DPP10: variants seen among roughly 807,000 people sequenced by gnomAD.
The protein encoded by DPP10 is inactive dipeptidyl peptidase 10.
Under a neutral mutation model 120.9 loss-of-function variants are expected in DPP10, and 33 were observed. The ratio of observed to expected loss-of-function variants is 0.27; its 90% CI spans 0.21 to 0.37. DPP10 has a LOEUF of 0.37. DPP10 is among the 10% of genes least tolerant of loss of function. The pLI, the probability that DPP10 is intolerant of heterozygous loss-of-function variation, is 1.00. For missense variants in DPP10, 816 were observed against 942.8 expected, an observed-to-expected ratio of 0.87 and a Z score of 1.76; for synonymous variants, 337 against 326.1, an observed-to-expected ratio of 1.03 and a Z score of -0.36.
At chr2:114,977,583 G>T (rs1369316294) in intron 1 of DPP10, among the ~76,000 whole-genome samples, 1 of 152,000 alleles carries the variant, frequency 6.6e-6, no homozygotes, top group African/African-American at 2.4e-5. Context: ...GACAGGTAGG[G>T]GTTCTGCAAG....
chr2:115,682,469 G>A (rs1040130478), intron 5 of DPP10, among the ~76,000 whole-genome samples: 5 of 151,824 alleles, frequency 3.3e-5, no homozygotes, highest in Admixed American at 6.6e-5. Context: ...TATAGAAAAC[G>A]TCGCAGGAAC....
intron 1 of DPP10, among the ~76,000 whole-genome samples, chr2:115,130,769 G>T (rs938059994): frequency 2.0e-5 from 3 of 152,066 alleles, no homozygotes; most frequent in Non-Finnish European, 4.4e-5. Context: ...CCTTAGCTGG[G>T]CTGGTAGAAT....
At chr2:115,607,317 C>T (rs1170287386) in intron 5 of DPP10, among the ~76,000 whole-genome samples, 1 of 152,062 alleles carries the variant, frequency 6.6e-6, no homozygotes, top group Non-Finnish European at 1.5e-5. Context: ...GATGTTTTCT[C>T]ACAAGATAAA....
intron 2 of DPP10, among the ~76,000 whole-genome samples, chr2:115,324,561 A>G (rs1012690365): frequency 6.6e-6 from 1 of 152,136 alleles, no homozygotes; most frequent in Non-Finnish European, 1.5e-5. Context: ...GAGAGTTAGG[A>G]CCTTACTCTA....
At chr2:114,983,811 G>GTT (rs1700234610) in intron 1 of DPP10, among the ~76,000 whole-genome samples, 1 of 152,156 alleles carries the variant, frequency 6.6e-6, no homozygotes, top group African/African-American at 2.4e-5. Flanking sequence ...GATCTTGGAG[G>GTT]TTGATCCCCT....
intron 1 of DPP10, among the ~76,000 whole-genome samples, chr2:114,847,131 A>G (rs907486579): frequency 6.6e-6 from 1 of 152,080 alleles, no homozygotes; most frequent in Non-Finnish European, 1.5e-5. Flanking sequence ...GCCTCAGCCA[A>G]CCTAATAGCT....
intron 1 of DPP10, among the ~76,000 whole-genome samples, chr2:114,798,047 G>A (rs190395288): frequency 6.6e-5 from 10 of 152,172 alleles, no homozygotes; most frequent in Admixed American, 2.6e-4. Flanking sequence ...TAAGAAAAAC[G>A]ACAGACAAAC....
chr2:114,758,664 G>T (rs1447902296), intron 1 of DPP10, among the ~76,000 whole-genome samples: 1 of 151,866 alleles, frequency 6.6e-6, no homozygotes, highest in Non-Finnish European at 1.5e-5. Context: ...TAAATGTATG[G>T]GCTCAAATTT....
chr2:115,174,757 C>T (rs768417331), intron 1 of DPP10, among the ~76,000 whole-genome samples: 33 of 152,206 alleles, frequency 2.2e-4, no homozygotes, highest in South Asian at 2.1e-4. Context: ...TCTGGGCCTA[C>T]ACTTGATGTC....
At chr2:115,230,013 T>G (rs2105479703) in intron 1 of DPP10, among the ~76,000 whole-genome samples, 1 of 152,056 alleles carries the variant, frequency 6.6e-6, no homozygotes, top group African/African-American at 2.4e-5. Context: ...CTTTGAGTAG[T>G]GTGGACATTT....
chr2:115,659,142 C>T (rs191730458), intron 5 of DPP10, among the ~76,000 whole-genome samples: 5 of 152,248 alleles, frequency 3.3e-5, no homozygotes, highest in Admixed American at 2.6e-4. Flanking sequence ...TCTTCTCTTG[C>T]CTTTCCACCT....
intron 1 of DPP10, among the ~76,000 whole-genome samples, chr2:115,255,527 T>C (rs1475904315): frequency 6.6e-6 from 1 of 152,194 alleles, no homozygotes; most frequent in African/African-American, 2.4e-5. Flanking sequence ...CTTTAATTTC[T>C]CCCCAGAAAA....
intron 5 of DPP10, among the ~76,000 whole-genome samples, chr2:115,613,289 G>T (rs1374043469): frequency 1.3e-5 from 2 of 152,176 alleles, no homozygotes; most frequent in Non-Finnish European, 2.9e-5. Flanking sequence ...GAAAATTCCA[G>T]TGCTTAGCCA....
At chr2:114,663,668 T>TATATATATATATAGAGAG in intron 1 of DPP10, among the ~76,000 whole-genome samples, 6 of 80,712 alleles carry the variant, frequency 7.4e-5, no homozygotes, top group African/African-American at 2.8e-4. Flanking sequence ...TATATATATA[T>TATATATATATATAGAGAG]AGAGAGAGAG....
rs1189275288 is a variant in DPP10, at chr2:114,814,358, T to C, written c.60+371520T>C. Among the ~76,000 whole-genome samples the C allele has an allele frequency of 1.3e-5, 2 of 152,024 alleles. 1 individual carries two copies. The highest frequency in any genetic ancestry group is 2.9e-5 in the Non-Finnish European group (2 of 67,986). Reference sequence around the variant, plus strand: ...GAGTGAAGACTTATTATTCCCCTTCTGTTAACATCTCATCTCTTCATCTTT... The same window carrying C: ...GAGTGAAGACTTATTATTCCCCTTCCGTTAACATCTCATCTCTTCATCTTT... On this transcript the variant is annotated intron_variant, in intron 1 of 25. Coordinates refer to ENST00000410059, the MANE Select transcript of DPP10 (RefSeq NM_020868.6).
chr2:114,521,070 C>T (rs1194284461), intron 1 of DPP10, among the ~76,000 whole-genome samples: 1 of 151,676 alleles, frequency 6.6e-6, no homozygotes, highest in Non-Finnish European at 1.5e-5. Flanking sequence ...AGTAAAGGGA[C>T]ATGGGAAACA....
intron 1 of DPP10, among the ~76,000 whole-genome samples, chr2:114,518,791 G>A (rs1227282335): frequency 1.3e-5 from 2 of 152,140 alleles, no homozygotes; most frequent in African/African-American, 2.4e-5. Flanking sequence ...TCATCATAGC[G>A]GGTTATCCAA....
chr2:115,506,310 G>C (rs1308535728), intron 4 of DPP10, among the ~76,000 whole-genome samples: 2 of 151,906 alleles, frequency 1.3e-5, no homozygotes, highest in Non-Finnish European at 2.9e-5. Flanking sequence ...TTCAATTTTT[G>C]GTAAACATTA....
chr2:115,229,737 ATT>A (rs2057640870), intron 1 of DPP10, among the ~76,000 whole-genome samples: 1 of 148,940 alleles, frequency 6.7e-6, no homozygotes, highest in African/African-American at 2.5e-5. Flanking sequence ...ATTCTATTCT[ATT>A]CTATTCTATT....
Sources: allele counts gnomAD v4.1 joint callset (sites outside exome capture counted in the v4.1 genomes callset), GRCh38; gene constraint gnomAD v4.1.1; transcripts MANE v1.5; gene names NCBI Gene and HGNC (gene_info 2026-07-23, HGNC 2026-07-21).